TRIM59: variants seen among roughly 807,000 people sequenced by gnomAD.
The protein encoded by TRIM59 is tripartite motif containing 59, also known as tripartite motif-containing protein 59.
A neutral mutation model predicts 32.2 loss-of-function variants in TRIM59; 14 were observed. The ratio of observed to expected loss-of-function variants is 0.43; its 90% CI spans 0.29 to 0.68. The LOEUF (loss-of-function observed/expected upper bound fraction) is 0.68. TRIM59 is among the 30% of genes least tolerant of loss of function. TRIM59 has a pLI of 0.15. For missense variants in TRIM59, 471 were observed against 463.3 expected (o/e 1.02, Z -0.15); for synonymous variants, 163 against 155.1 (o/e 1.05, Z -0.38).
intron 2 of TRIM59, 37 bp from the exon 3 acceptor site, chr3:160,439,223 G>C (rs752792410): frequency 3.4e-6 from 5 of 1,475,076 alleles, no homozygotes; most frequent in East Asian, 2.3e-5. Context: ...TTTACATAGA[G>C]ACACCTGTAC....
intron 2 of TRIM59, among the ~76,000 whole-genome samples, chr3:160,441,688 A>C (rs972676672): frequency 1.3e-5 from 2 of 148,646 alleles, no homozygotes; most frequent in East Asian, 4.0e-4. Context: ...CGGGAGGCAG[A>C]GCTTGCAGTG....
intron 2 of TRIM59, 88 bp downstream of exon 2, chr3:160,448,630 TCAAAAGAC>T: frequency 1.4e-6 from 1 of 715,580 alleles, no homozygotes. Context: ...CAATGTTTTT[TCAAAAGAC>T]TTCTAAATTT....
chr3:160,441,387 T>A (rs544809561), intron 2 of TRIM59, among the ~76,000 whole-genome samples: 1 of 151,884 alleles, frequency 6.6e-6, no homozygotes, highest in Non-Finnish European at 1.5e-5. Context: ...TGTTTTGGGG[T>A]TTTTTGTTTT....
Position 160,436,974 on chromosome 3 carries a change from T to C in TRIM59, c.*998A>G, listed in dbSNP as rs190017693. Reference sequence around the variant, plus strand: ...TTCTGTTCTAATAAGAATGAGTTTTTAATCCAAGAACTGATTTGACTGACG... The same window carrying C: ...TTCTGTTCTAATAAGAATGAGTTTTCAATCCAAGAACTGATTTGACTGACG... On this transcript the variant is annotated 3_prime_UTR_variant, in exon 3 of 3. Transcript: ENST00000309784. 3,029 of 985,232 alleles carry C rather than the reference T, an allele frequency of 3.1e-3. 7 individuals carry two copies. Among genetic ancestry groups the C allele is most frequent in the Non-Finnish European group, 3.4e-3 (2,846 of 829,894 alleles). The allele number at this position is 985,232 out of a possible 1,614,324, so 61.0% of individuals were successfully genotyped here.
At chr3:160,446,826 G>A (rs1053387355) in intron 2 of TRIM59, among the ~76,000 whole-genome samples, 5 of 152,204 alleles carry the variant, frequency 3.3e-5, no homozygotes, top group African/African-American at 1.2e-4. Flanking sequence ...GCACGCGAGG[G>A]ATCTAGGTTG....
In TRIM59 at chr3:160,438,072, A is replaced by G; in HGVS notation, c.1112T>C (p.Val371Ala). 1 of 1,610,130 alleles carries G rather than the reference A, an allele frequency of 6.2e-7. No homozygotes were observed. The highest frequency in any genetic ancestry group is 1.1e-5 in the South Asian group (1 of 89,710). ...CAGACTGTTAGATAAACTTTGGTAAACAGATAGAGAGGCTTCAGAAAACCA... is the reference window on the plus strand; with the variant it reads ...CAGACTGTTAGATAAACTTTGGTAAGCAGATAGAGAGGCTTCAGAAAACCA... ...LIWFSEASLS[V>A]YQSLSNSLHK... The change falls in exon 3 of 3, where the codon GTT becomes GCT. Residue 371 changes from valine (V) to alanine (A), a missense_variant. Transcript: ENST00000309784.
chr3:160,449,567 G>A (rs1719715019), intron 1 of TRIM59, 150 bp downstream of exon 1: 2 of 1,287,578 alleles, frequency 1.6e-6, no homozygotes, highest in East Asian at 5.6e-5. Flanking sequence ...TGGGACAAGA[G>A]GGAATGAGTG....
intron 2 of TRIM59, chr3:160,447,896 T>C (rs1214196737): frequency 1.3e-5 from 2 of 152,212 alleles, no homozygotes; most frequent in Non-Finnish European, 2.9e-5. Flanking sequence ...AAGAAATAAC[T>C]ACAACTGCAC....
intron 2 of TRIM59, among the ~76,000 whole-genome samples, chr3:160,443,010 G>A (rs545840529): frequency 2.5e-4 from 38 of 152,108 alleles, no homozygotes; most frequent in African/African-American, 8.2e-4. Context: ...TCCCAGCTAC[G>A]CGGGGAGCTG....
rs1304142298 is a variant in TRIM59, at chr3:160,438,208, AT to A, written c.975del (p.Glu325AspfsTer3). On this transcript the variant is annotated frameshift_variant, in exon 3 of 3. Transcript: ENST00000309784. LOFTEE classifies it high-confidence loss of function. ...ACAACAATGTTTAAAATTTTTAAAA[AT>A]TCAACTTCCTTTTCATCCTTACCAG... The part of the protein sequence containing the change: ...SWPGKDEKEV[E>X]FLKILNIVVV... The A allele has an allele frequency of 1.9e-6, 3 of 1,612,744 alleles. No homozygotes were observed. The African/African-American group carries it at 4.0e-5, about 22-fold the overall frequency.
chr3:160,437,080 T>C lies in TRIM59; in HGVS notation c.*892A>G. Reference sequence around the variant, plus strand: ...AGAAAATGCTGGCCCCCAGGCACAGTGTGGCTAACGTCTGTAATCCCAGCA... The same window carrying C: ...AGAAAATGCTGGCCCCCAGGCACAGCGTGGCTAACGTCTGTAATCCCAGCA... On this transcript the variant is annotated 3_prime_UTR_variant, in exon 3 of 3. Transcript: ENST00000309784. The C allele has an allele frequency of 7.1e-6, 7 of 985,036 alleles. No individual in the cohort carries two copies. Among genetic ancestry groups the C allele is most frequent in the Non-Finnish European group, 8.4e-6 (7 of 829,638 alleles). The allele number at this position is 985,036 out of a possible 1,614,324, so 61.0% of individuals were successfully genotyped here. A position where few individuals can be genotyped will look rare whatever the true frequency, so the allele number is the denominator to read the frequency against.
chr3:160,439,123 G>C lies in TRIM59; in HGVS notation c.61C>G (p.Arg21Gly), dbSNP rs750212044. 3.3e-6 allele frequency: 5 copies of C among 1,516,030 alleles called. No individual in the cohort carries two copies. The highest frequency in any genetic ancestry group is 4.4e-6 in the Non-Finnish European group (5 of 1,133,548). The allele number at this position is 1,516,030 out of a possible 1,614,324, so 93.9% of individuals were successfully genotyped here. A position where few individuals can be genotyped will look rare whatever the true frequency, so the allele number is the denominator to read the frequency against. ...PICYSIFEDP[R>G]VLPCSHTFCR... Reference sequence around the variant, plus strand: ...AATGTATGAGAGCATGGCAGTACACGAGGATCTTCAAAAATACTATAACAT... The same window carrying C: ...AATGTATGAGAGCATGGCAGTACACCAGGATCTTCAAAAATACTATAACAT... Residue 21 changes from arginine (R) to glycine (G), a missense_variant, in exon 3 of 3, where the codon CGT becomes GGT. Coordinates refer to ENST00000309784, the MANE Select transcript of TRIM59 (RefSeq NM_173084.3).
At position 160,437,818 on chromosome 3, in the gene TRIM59, TATC is replaced by T. The variant is rs1719055219; in HGVS notation, c.*151_*153del. 3.9e-6 allele frequency: 5 copies of T among 1,278,004 alleles called. No individual in the cohort carries two copies. In the South Asian group the frequency reaches 1.3e-4, roughly 32 times the overall value. The allele number at this position is 1,278,004 out of a possible 1,614,324, so 79.2% of individuals were successfully genotyped here. The stretch of plus-strand genomic sequence containing the variant: ...GACTATTTCAGATATAACTTTGACA[TATC>T]ATTGCTAACCAAAAGAAGCAACAAA... On this transcript the variant is annotated 3_prime_UTR_variant, in exon 3 of 3. Coordinates refer to ENST00000309784, the MANE Select transcript of TRIM59 (RefSeq NM_173084.3).
In TRIM59 at chr3:160,436,593, T is replaced by TA. The variant is rs1399524321; in HGVS notation, c.*1378dup. 9 of 857,560 alleles carry TA rather than the reference T, an allele frequency of 1.0e-5. No homozygotes were observed. Among genetic ancestry groups the TA allele is most frequent in the East Asian group, 1.2e-4 (1 of 8,252 alleles). 53.1% of individuals were successfully genotyped at this position (857,560 alleles called of 1,614,324 possible). A position where few individuals can be genotyped will look rare whatever the true frequency, so the allele number is the denominator to read the frequency against. On this transcript the variant is annotated 3_prime_UTR_variant, in exon 3 of 3. Transcript: ENST00000309784. ...GCGAGTGGATCATGAGGTCAGGAGA[T>TA]AGAGACCATCCTGGCTAACACAGTG...
rs1213365441 is a variant in TRIM59, at chr3:160,439,125, G to A, written c.59C>T (p.Pro20Leu). 6.6e-7 allele frequency: 1 copy of A among 1,513,796 alleles called. No homozygotes were observed. Among genetic ancestry groups the A allele is most frequent in the African/African-American group, 1.4e-5 (1 of 71,736 alleles). 93.8% of individuals were successfully genotyped at this position (1,513,796 alleles called of 1,614,324 possible). The change falls in exon 3 of 3, where the codon CCT becomes CTT. Residue 20 changes from proline to leucine, a missense_variant. Coordinates refer to ENST00000309784, the MANE Select transcript of TRIM59 (RefSeq NM_173084.3). Reference sequence around the variant, plus strand: ...TGTATGAGAGCATGGCAGTACACGAGGATCTTCAAAAATACTATAACATAT... The same window carrying A: ...TGTATGAGAGCATGGCAGTACACGAAGATCTTCAAAAATACTATAACATAT... ...CPICYSIFED[P>L]RVLPCSHTFC... is the part of the protein sequence containing the mutation.
chr3:160,436,836 T>C lies in TRIM59; in HGVS notation c.*1136A>G. ...AAAAAAAAAAAAAAAGATTAAGTTG[T>C]TGGTACTTTTGCATTAGCTTAAGGG... On this transcript the variant is annotated 3_prime_UTR_variant, in exon 3 of 3. Transcript: ENST00000309784. The C allele has an allele frequency of 1.1e-6, 1 of 926,596 alleles. No homozygotes were observed. Among genetic ancestry groups the C allele is most frequent in the Non-Finnish European group, 1.3e-6 (1 of 778,196 alleles). 57.4% of individuals were successfully genotyped at this position (926,596 alleles called of 1,614,324 possible). A position where few individuals can be genotyped will look rare whatever the true frequency, so the allele number is the denominator to read the frequency against.
rs577650384 is a variant in TRIM59, at chr3:160,436,332, C to T, written c.*1640G>A. The T allele has an allele frequency of 3.9e-5, 38 of 986,178 alleles. No homozygotes were observed. The Admixed American group carries it at 1.3e-3, about 33-fold the overall frequency. The allele number at this position is 986,178 out of a possible 1,614,324, so 61.1% of individuals were successfully genotyped here. On this transcript the variant is annotated 3_prime_UTR_variant, in exon 3 of 3. Transcript: ENST00000309784. Reference sequence around the variant, plus strand: ...TTGATTTGATATAGGTAAGGCTCTTCGGTGATCCAAGAGCAGCCCCTTTGG... The same window carrying T: ...TTGATTTGATATAGGTAAGGCTCTTTGGTGATCCAAGAGCAGCCCCTTTGG...
intron 2 of TRIM59, among the ~76,000 whole-genome samples, chr3:160,448,293 AAACT>A (rs1719638437): frequency 6.6e-6 from 1 of 152,252 alleles, no homozygotes; most frequent in Admixed American, 6.5e-5. Context: ...GGCAATGTCA[AAACT>A]AACATCACCT....
chr3:160,439,111 A>T lies in TRIM59; in HGVS notation c.73T>A (p.Cys25Ser). 1 of 1,530,488 alleles carries T rather than the reference A, an allele frequency of 6.5e-7. No homozygotes were observed. The highest frequency in any genetic ancestry group is 1.8e-4 in the Middle Eastern group (1 of 5,650). The allele number at this position is 1,530,488 out of a possible 1,614,324, so 94.8% of individuals were successfully genotyped here. A position where few individuals can be genotyped will look rare whatever the true frequency, so the allele number is the denominator to read the frequency against. Reference sequence around the variant, plus strand: ...CAATTTCTACAAAATGTATGAGAGCATGGCAGTACACGAGGATCTTCAAAA... The same window carrying T: ...CAATTTCTACAAAATGTATGAGAGCTTGGCAGTACACGAGGATCTTCAAAA... ...SIFEDPRVLP[C>S]SHTFCRNCLE... The change falls in exon 3 of 3, where the codon TGC becomes AGC. Residue 25 changes from cysteine (C) to serine (S), a missense_variant. Cys to Ser is a moderately radical substitution (Grantham distance 112, BLOSUM62 -1). Coordinates refer to ENST00000309784, the MANE Select transcript of TRIM59 (RefSeq NM_173084.3).
Sources: gnomAD v4.1 joint callset for allele counts (sites outside exome capture counted in the v4.1 genomes callset) on GRCh38, gnomAD v4.1.1 for gene constraint, MANE v1.5 for transcripts, NCBI Gene and HGNC (gene_info 2026-07-23, HGNC 2026-07-21) for gene names.